Variants in DENND2A observed in about 807,000 individuals in gnomAD.
The protein encoded by DENND2A is DENN domain-containing protein 2A.
In DENND2A, 53 loss-of-function variants were observed where a neutral mutation model predicts 105.3. The ratio of observed to expected loss-of-function variants is 0.50; its 90% CI spans 0.40 to 0.63. DENND2A has a LOEUF of 0.63. DENND2A is among the 30% of genes least tolerant of loss of function. The probability of loss-of-function intolerance (pLI) is 0.00; values close to 1 mark genes in which losing one functional copy is unlikely to be tolerated. For synonymous variants in DENND2A, 522 were observed against 508.4 expected, an observed-to-expected ratio of 1.03 and a Z score of -0.36; for missense variants, 1,138 against 1,279.6, an observed-to-expected ratio of 0.89 and a Z score of 1.69.
At chr7:140,554,872 G>C (rs1797293291) in intron 12 of DENND2A, among the ~76,000 whole-genome samples, 1 of 152,096 alleles carries the variant, frequency 6.6e-6, no homozygotes, top group Non-Finnish European at 1.5e-5. Context: ...GATAAACTTA[G>C]AGCACTATTA....
At chr7:140,624,367 ACAACAAC>A (rs140762832) in intron 1 of DENND2A, among the ~76,000 whole-genome samples, 65,161 of 150,990 alleles carry the variant, frequency 0.43, 14,228 homozygotes, top group African/African-American at 0.51. Context: ...CAACAACAAC[ACAACAAC>A]AACAACAACA....
At chr7:140,614,100 T>A (rs1368741633) in intron 1 of DENND2A, among the ~76,000 whole-genome samples, 1 of 152,102 alleles carries the variant, frequency 6.6e-6, no homozygotes, top group Admixed American at 6.6e-5. Context: ...AGATCTTTTT[T>A]ATTTTTTTAT....
chr7:140,601,090 C>T (rs1799467909), intron 3 of DENND2A, among the ~76,000 whole-genome samples: 1 of 152,090 alleles, frequency 6.6e-6, no homozygotes, highest in South Asian at 2.1e-4. Flanking sequence ...TGTAGACTGC[C>T]AGGGTTAACA....
intron 9 of DENND2A, among the ~76,000 whole-genome samples, chr7:140,564,296 A>AAC (rs1554469312): frequency 7.0e-6 from 1 of 141,996 alleles, no homozygotes; most frequent in Non-Finnish European, 1.5e-5. Flanking sequence ...AAAAAAAAAA[A>AAC]ATACACACAC....
chr7:140,554,390 A>T (rs1459993298), intron 12 of DENND2A, among the ~76,000 whole-genome samples: 1 of 152,142 alleles, frequency 6.6e-6, no homozygotes, highest in East Asian at 1.9e-4. Context: ...CTATAATCCC[A>T]GCACTTTGGG....
At chr7:140,531,515 T>C (rs988455712) in intron 14 of DENND2A, among the ~76,000 whole-genome samples, 5 of 152,242 alleles carry the variant, frequency 3.3e-5, no homozygotes, top group African/African-American at 9.6e-5. Context: ...TATCTGTGTG[T>C]GAGCCGGGTG....
intron 5 of DENND2A, among the ~76,000 whole-genome samples, chr7:140,580,935 C>T (rs1459326980): frequency 6.6e-6 from 1 of 151,734 alleles, no homozygotes; most frequent in Non-Finnish European, 1.5e-5. Context: ...CTGTGCCCGG[C>T]CACCCAGCTT....
chr7:140,562,540 T>C (rs1797669502), intron 9 of DENND2A, among the ~76,000 whole-genome samples: 1 of 152,046 alleles, frequency 6.6e-6, no homozygotes, highest in African/African-American at 2.4e-5. Context: ...CGGGTGCCTG[T>C]AGTCCCAGCT....
At chr7:140,521,138 AGT>A (rs1212493946) in intron 18 of DENND2A, among the ~76,000 whole-genome samples, 1 of 151,886 alleles carries the variant, frequency 6.6e-6, no homozygotes, top group Non-Finnish European at 1.5e-5. Flanking sequence ...GGCCTCCGAA[AGT>A]GCTGGGATTA....
intron 1 of DENND2A, among the ~76,000 whole-genome samples, chr7:140,619,644 C>T (rs1800207802): frequency 1.3e-5 from 2 of 151,930 alleles, no homozygotes; most frequent in African/African-American, 2.4e-5. Flanking sequence ...GGATTGCAAG[C>T]GTGCACCACC....
chr7:140,604,421 A>G (rs998830596), intron 2 of DENND2A, among the ~76,000 whole-genome samples: 1 of 152,260 alleles, frequency 6.6e-6, no homozygotes, highest in Non-Finnish European at 1.5e-5. Flanking sequence ...TAAATAAACA[A>G]TTAGGATTCC....
intron 4 of DENND2A, among the ~76,000 whole-genome samples, chr7:140,586,069 G>A (rs1306622636): frequency 6.6e-6 from 1 of 152,094 alleles, no homozygotes; most frequent in Admixed American, 6.6e-5. Context: ...GACCTTGGCT[G>A]GTCTAATGAG....
intron 14 of DENND2A, among the ~76,000 whole-genome samples, chr7:140,529,358 T>G (rs1421802097): frequency 6.6e-6 from 1 of 152,190 alleles, no homozygotes; most frequent in Non-Finnish European, 1.5e-5. Context: ...GACTGTAAAC[T>G]AGTTCAACCA....
At chr7:140,631,780 A>G (rs966074892) in intron 1 of DENND2A, among the ~76,000 whole-genome samples, 1 of 152,192 alleles carries the variant, frequency 6.6e-6, no homozygotes, top group Non-Finnish European at 1.5e-5. Context: ...TCTGCAGCTC[A>G]GAGTATTAAG....
intron 9 of DENND2A, among the ~76,000 whole-genome samples, chr7:140,565,221 G>C (rs1343578559): frequency 6.6e-6 from 1 of 152,108 alleles, no homozygotes; most frequent in Non-Finnish European, 1.5e-5. Flanking sequence ...TGATGGCAAA[G>C]GGAGTCCCTG....
chr7:140,547,022 C>T, intron 12 of DENND2A, 83 bp from the exon 13 acceptor site: 1 of 1,513,964 alleles, frequency 6.6e-7, no homozygotes, highest in Non-Finnish European at 8.9e-7. Context: ...GTGGGCCTGC[C>T]ATGGTGACTC....
chr7:140,557,667 G>T (rs1169653650), intron 11 of DENND2A, among the ~76,000 whole-genome samples: 3 of 143,848 alleles, frequency 2.1e-5, no homozygotes, highest in African/African-American at 5.0e-5. Context: ...AGCCTCCCGT[G>T]TAGCTGGGAC....
At chr7:140,567,013 C>T (rs1478902443) in intron 9 of DENND2A, 73 bp downstream of exon 9, 6 of 1,390,236 alleles carry the variant, frequency 4.3e-6, no homozygotes, top group Non-Finnish European at 5.8e-6. Context: ...CCCACACCTC[C>T]CTCAATTCAT....
intron 18 of DENND2A, among the ~76,000 whole-genome samples, chr7:140,520,306 CAAA>C (rs762064430): frequency 5.5e-5 from 6 of 108,206 alleles, no homozygotes; most frequent in Admixed American, 9.5e-5. Flanking sequence ...AACTCCGTCG[CAAA>C]AAAAAAAAAA....
Sources: allele counts gnomAD v4.1 joint callset (sites outside exome capture counted in the v4.1 genomes callset), GRCh38; gene constraint gnomAD v4.1.1; transcripts MANE v1.5; gene names NCBI Gene and HGNC (gene_info 2026-07-23, HGNC 2026-07-21).